Variants in TAFA2 observed in about 807,000 individuals in gnomAD.
The protein encoded by TAFA2 is TAFA chemokine like family member 2, also known as chemokine-like protein TAFA-2.
In TAFA2, 7 loss-of-function variants were observed where a neutral mutation model predicts 18.8. That is an observed-to-expected ratio of 0.37 (90% CI 0.21 to 0.70). TAFA2 has a LOEUF of 0.70. Ranked by LOEUF, TAFA2 falls within the 30% of genes least tolerant of loss-of-function variation. The probability of loss-of-function intolerance (pLI) is 0.53; values close to 1 mark genes in which losing one functional copy is unlikely to be tolerated. For missense variants in TAFA2, 122 were observed against 158.1 expected, an observed-to-expected ratio of 0.77 and a Z score of 1.23; for synonymous variants, 60 against 54.2, an observed-to-expected ratio of 1.11 and a Z score of -0.47.
At chr12:61,902,248 AAC>A (rs1297977780) in intron 1 of TAFA2, among the ~76,000 whole-genome samples, 2 of 152,174 alleles carry the variant, frequency 1.3e-5, no homozygotes, top group African/African-American at 4.8e-5. Flanking sequence ...TTATCTCTGT[AAC>A]AGCTTTACAT....
intron 4 of TAFA2, among the ~76,000 whole-genome samples, chr12:61,736,259 G>C (rs920155869): frequency 2.0e-5 from 3 of 151,896 alleles, no homozygotes; most frequent in Non-Finnish European, 2.9e-5. Flanking sequence ...CCTAAATTCT[G>C]GACAAGTAAC....
chr12:62,022,611 G>C (rs996834140), intron 1 of TAFA2, among the ~76,000 whole-genome samples: 1 of 152,094 alleles, frequency 6.6e-6, no homozygotes, highest in Non-Finnish European at 1.5e-5. Context: ...AATTCTTGTC[G>C]AACTGGGTAC....
At chr12:61,815,458 T>A (rs1201994607) in intron 2 of TAFA2, among the ~76,000 whole-genome samples, 1 of 150,858 alleles carries the variant, frequency 6.6e-6, no homozygotes, top group African/African-American at 2.5e-5. Context: ...CGAGGTCAGG[T>A]GATCGAGACC....
chr12:62,114,855 G>T (rs1431334628), intron 1 of TAFA2, among the ~76,000 whole-genome samples: 1 of 152,012 alleles, frequency 6.6e-6, no homozygotes, highest in Non-Finnish European at 1.5e-5. Context: ...TGCTTTTCTT[G>T]GTATAATTCA....
intron 2 of TAFA2, among the ~76,000 whole-genome samples, chr12:61,792,184 T>C (rs1353727190): frequency 6.6e-6 from 1 of 151,502 alleles, no homozygotes; most frequent in Admixed American, 6.6e-5. Context: ...AAGTAGTGAA[T>C]AGTGAACCAT....
intron 1 of TAFA2, among the ~76,000 whole-genome samples, chr12:62,215,563 C>T (rs369085237): frequency 5.1e-5 from 4 of 79,004 alleles, no homozygotes; most frequent in African/African-American, 1.7e-4. Flanking sequence ...ACTTGTCTTT[C>T]AAAAAAAAAA....
intron 1 of TAFA2, among the ~76,000 whole-genome samples, chr12:62,182,806 C>T (rs74359084): frequency 0.032 from 4,806 of 152,280 alleles, 121 homozygotes; most frequent in Non-Finnish European, 0.048. Context: ...CTTCACAATC[C>T]ATTTCAACTC....
chr12:61,805,321 T>G (rs2120985204), intron 2 of TAFA2, among the ~76,000 whole-genome samples: 1 of 152,214 alleles, frequency 6.6e-6, no homozygotes, highest in East Asian at 1.9e-4. Flanking sequence ...AATTAAGACC[T>G]GTGCCACACA....
chr12:61,977,895 G>A (rs1360000784), intron 1 of TAFA2, among the ~76,000 whole-genome samples: 1 of 128,854 alleles, frequency 7.8e-6, no homozygotes. Context: ...ATTGTGAAGG[G>A]GAGAGGATAG....
intron 2 of TAFA2, among the ~76,000 whole-genome samples, chr12:61,779,882 C>T (rs989970798): frequency 6.6e-6 from 1 of 151,640 alleles, no homozygotes; most frequent in African/African-American, 2.4e-5. Context: ...GTTCTTTTCC[C>T]TTTTTATGAC....
chr12:61,785,319 T>TTGTGTGTGTGTGTG lies in TAFA2; in HGVS notation c.107-30309_107-30296dup, dbSNP rs57166010. Among the ~76,000 whole-genome samples the TTGTGTGTGTGTGTG allele has an allele frequency of 3.2e-3, 454 of 140,168 alleles. 1 individual carries two copies. Among genetic ancestry groups the TTGTGTGTGTGTGTG allele is most frequent in the African/African-American group, 9.2e-3 (348 of 37,822 alleles). The allele number at this position is 140,168 out of a possible 152,430, so 92.0% of individuals were successfully genotyped here. On this transcript the variant is annotated intron_variant, in intron 2 of 4. Coordinates refer to ENST00000416284, the MANE Select transcript of TAFA2 (RefSeq NM_178539.5). Reference sequence around the variant, plus strand: ...ATTCCTTTATGGCTGAATAGTATTCTTGTGTGTGTGTGTGTGTGTGTGTGT... The same window carrying TTGTGTGTGTGTGTG: ...ATTCCTTTATGGCTGAATAGTATTCTTGTGTGTGTGTGTGTGTGTGTGTGTGTGTGTGTGTGTGT...
At position 61,912,270 on chromosome 12, in the gene TAFA2, G is replaced by A. The variant is rs149040862; in HGVS notation, c.-1-44844C>T. On this transcript the variant is annotated intron_variant, in intron 1 of 4. Coordinates refer to ENST00000416284, the MANE Select transcript of TAFA2 (RefSeq NM_178539.5). ...GAAGTTTACACATAGAAAAATGCAT[G>A]CAGTTCTCATTCTATATTTGTGCTG... Among the ~76,000 whole-genome samples the A allele has an allele frequency of 5.3e-3, 807 of 152,228 alleles. 11 individuals carry two copies. Among genetic ancestry groups the A allele is most frequent in the African/African-American group, 0.018 (748 of 41,550 alleles).
At chr12:61,790,697 G>T (rs1870938575) in intron 2 of TAFA2, among the ~76,000 whole-genome samples, 1 of 151,756 alleles carries the variant, frequency 6.6e-6, no homozygotes. Context: ...ATAAAATGCA[G>T]ATGAAAGCAA....
chr12:62,011,780 T>G (rs1880779403), intron 1 of TAFA2, among the ~76,000 whole-genome samples: 1 of 146,258 alleles, frequency 6.8e-6, no homozygotes, highest in Admixed American at 6.8e-5. Context: ...GAAAAGAAAC[T>G]GTAGTATAAG....
chr12:61,772,443 C>A (rs550923890), intron 2 of TAFA2, among the ~76,000 whole-genome samples: 1 of 151,736 alleles, frequency 6.6e-6, no homozygotes, highest in African/African-American at 2.4e-5. Context: ...AACTACAGAC[C>A]AATGTCCCTG....
chr12:61,715,297 G>A (rs1483796140), intron 4 of TAFA2, among the ~76,000 whole-genome samples: 1 of 152,058 alleles, frequency 6.6e-6, no homozygotes, highest in Non-Finnish European at 1.5e-5. Flanking sequence ...CTGGCCAGGT[G>A]TGGTGGTTCA....
At chr12:62,136,222 C>T (rs1870891002) in intron 1 of TAFA2, among the ~76,000 whole-genome samples, 1 of 152,072 alleles carries the variant, frequency 6.6e-6, no homozygotes, top group Non-Finnish European at 1.5e-5. Context: ...ATCCAAGAAT[C>T]AATTAAAAGA....
intron 1 of TAFA2, among the ~76,000 whole-genome samples, chr12:61,931,799 T>C (rs1366845382): frequency 6.6e-6 from 1 of 152,186 alleles, no homozygotes; most frequent in Non-Finnish European, 1.5e-5. Context: ...TGGGAAATCT[T>C]CTGGAACACA....
intron 1 of TAFA2, among the ~76,000 whole-genome samples, chr12:61,922,252 G>A (rs1220250204): frequency 2.0e-5 from 3 of 152,028 alleles, no homozygotes; most frequent in Non-Finnish European, 2.9e-5. Flanking sequence ...GAAAGGAAAA[G>A]GCAGAGTCAC....
Sources: gnomAD v4.1 joint callset for allele counts (sites outside exome capture counted in the v4.1 genomes callset) on GRCh38, gnomAD v4.1.1 for gene constraint, MANE v1.5 for transcripts, NCBI Gene and HGNC (gene_info 2026-07-23, HGNC 2026-07-21) for gene names.